MECOM: variants seen among roughly 807,000 people sequenced by gnomAD.
MECOM encodes the protein histone-lysine N-methyltransferase MECOM.
MECOM carries 13 observed loss-of-function variants against 116.3 expected under a neutral mutation model. That is an observed-to-expected ratio of 0.11 (90% CI 0.07 to 0.18). The LOEUF (loss-of-function observed/expected upper bound fraction) is 0.18. MECOM is among the 10% of genes least tolerant of loss of function. The pLI, the probability that MECOM is intolerant of heterozygous loss-of-function variation, is 1.00. For missense variants in MECOM, 1,299 were observed against 1,509.0 expected (o/e 0.86, Z 2.31); for synonymous variants, 528 against 535.2 (o/e 0.99, Z 0.19).
intron 1 of MECOM, among the ~76,000 whole-genome samples, chr3:169,459,245 G>C (rs981019934): frequency 1.3e-5 from 2 of 152,158 alleles, no homozygotes; most frequent in Non-Finnish European, 2.9e-5. Context: ...CTGGTGTTTT[G>C]TGCAGTGAGG....
chr3:169,496,731 A>G (rs1325002774), intron 1 of MECOM, among the ~76,000 whole-genome samples: 1 of 152,240 alleles, frequency 6.6e-6, no homozygotes, highest in Admixed American at 6.5e-5. Context: ...GTCTTAGTTC[A>G]TTCCCAAGAT....
At position 169,652,910 on chromosome 3, in the gene MECOM, A is replaced by G. The variant is rs368316045; in HGVS notation, c.37+10426T>C. On this transcript the variant is annotated intron_variant, in intron 1 of 16. Coordinates refer to ENST00000651503, the MANE Select transcript of MECOM (RefSeq NM_004991.4). ...GTAAACTGAATATTCCCAAATCCCT[A>G]GGAATTACATGAGTCCACAGAATGT... Among the ~76,000 whole-genome samples the G allele has an allele frequency of 3.5e-4, 54 of 152,316 alleles. 2 individuals carry two copies. In the South Asian group the frequency reaches 0.01, roughly 29 times the overall value.
At chr3:169,282,191 G>A (rs1712211774) in intron 2 of MECOM, among the ~76,000 whole-genome samples, 1 of 152,098 alleles carries the variant, frequency 6.6e-6, no homozygotes, top group African/African-American at 2.4e-5. Context: ...TAGAGTATAA[G>A]CCTATTTGTC....
intron 2 of MECOM, among the ~76,000 whole-genome samples, chr3:169,375,611 C>T (rs547700396): frequency 6.6e-6 from 1 of 152,196 alleles, no homozygotes; most frequent in South Asian, 2.1e-4. Flanking sequence ...CAAATACACC[C>T]TCCAAAGGCT....
chr3:169,625,739 C>T (rs532418947), intron 1 of MECOM, among the ~76,000 whole-genome samples: 7 of 152,314 alleles, frequency 4.6e-5, no homozygotes, highest in African/African-American at 1.7e-4. Context: ...AGGAAGGATA[C>T]ACTCAGGTGA....
At chr3:169,179,091 G>A (rs1473080212) in intron 2 of MECOM, among the ~76,000 whole-genome samples, 9 of 152,060 alleles carry the variant, frequency 5.9e-5, no homozygotes, top group African/African-American at 2.2e-4. Flanking sequence ...CACTTGAAAG[G>A]CAAAAAAATT....
At chr3:169,176,278 T>C (rs932114367) in intron 2 of MECOM, among the ~76,000 whole-genome samples, 2 of 152,084 alleles carry the variant, frequency 1.3e-5, no homozygotes, top group Non-Finnish European at 2.9e-5. Flanking sequence ...AGGGGAAGGA[T>C]CAGGGAAGTC....
intron 2 of MECOM, among the ~76,000 whole-genome samples, chr3:169,144,263 ATT>A (rs11312167): frequency 0.027 from 4,152 of 151,774 alleles, 101 homozygotes; most frequent in Non-Finnish European, 0.039. Flanking sequence ...TTCCATCTAA[ATT>A]TTTTTTTCAT....
At chr3:169,619,895 A>G (rs762607437) in intron 1 of MECOM, among the ~76,000 whole-genome samples, 92 of 152,346 alleles carry the variant, frequency 6.0e-4, no homozygotes, top group Non-Finnish European at 1.1e-3. Flanking sequence ...CAAGGGCCAA[A>G]ATGAAAAACA....
chr3:169,388,881 T>G (rs1412288772), intron 1 of MECOM, among the ~76,000 whole-genome samples: 1 of 152,200 alleles, frequency 6.6e-6, no homozygotes, highest in Non-Finnish European at 1.5e-5. Flanking sequence ...GTCTTCCTTA[T>G]GGAACTTTTC....
intron 2 of MECOM, among the ~76,000 whole-genome samples, chr3:169,186,202 T>C (rs929991481): frequency 6.6e-6 from 1 of 151,936 alleles, no homozygotes; most frequent in African/African-American, 2.4e-5. Context: ...TTATTTCCAA[T>C]ACCTAGCTTA....
At chr3:169,610,070 A>G (rs1769063677) in intron 1 of MECOM, among the ~76,000 whole-genome samples, 1 of 152,062 alleles carries the variant, frequency 6.6e-6, no homozygotes, top group African/African-American at 2.4e-5. Flanking sequence ...CTTTATTTGT[A>G]CTCTTATAAT....
At chr3:169,644,152 A>T (rs1163725956) in intron 1 of MECOM, among the ~76,000 whole-genome samples, 2 of 152,266 alleles carry the variant, frequency 1.3e-5, no homozygotes, top group Non-Finnish European at 1.5e-5. Context: ...GATTATCTCA[A>T]ATAGTTATGA....
chr3:169,382,448 GA>G (rs1560204382), intron 1 of MECOM, among the ~76,000 whole-genome samples: 1 of 152,084 alleles, frequency 6.6e-6, no homozygotes, highest in East Asian at 1.9e-4. Context: ...CGCCACACTT[GA>G]AGTAAACGAG....
At chr3:169,430,957 T>C (rs891681668) in intron 1 of MECOM, among the ~76,000 whole-genome samples, 7 of 152,220 alleles carry the variant, frequency 4.6e-5, no homozygotes, top group Non-Finnish European at 1.0e-4. Flanking sequence ...ATCCCCCAGC[T>C]GCAGTAGAAT....
intron 1 of MECOM, among the ~76,000 whole-genome samples, chr3:169,655,622 G>A (rs994898586): frequency 7.2e-5 from 11 of 152,132 alleles, no homozygotes; most frequent in African/African-American, 2.7e-4. Context: ...CAAATTTACT[G>A]CCTAGTTTGG....
intron 1 of MECOM, among the ~76,000 whole-genome samples, chr3:169,392,576 A>G (rs1016065174): frequency 3.3e-5 from 5 of 152,134 alleles, no homozygotes; most frequent in Admixed American, 6.6e-5. Flanking sequence ...GTTGAATAAG[A>G]TAAAATGTCT....
In MECOM at chr3:169,164,724, T is replaced by G. The variant is rs145067188; in HGVS notation, c.376-20892A>C. 3.0e-3 allele frequency among the ~76,000 whole-genome samples: 453 copies of G among 151,956 alleles called. 2 individuals carry two copies. The highest frequency in any genetic ancestry group is 0.014 in the Middle Eastern group (4 of 294). On this transcript the variant is annotated intron_variant, in intron 2 of 16. Coordinates refer to ENST00000651503, the MANE Select transcript of MECOM (RefSeq NM_004991.4). The stretch of plus-strand genomic sequence containing the variant: ...ATGTATGCTAATAAAAACAATTATA[T>G]TTGATTTTAACATTATGTCATTAAA...
chr3:169,457,349 G>T (rs1166665476), intron 1 of MECOM, among the ~76,000 whole-genome samples: 1 of 152,172 alleles, frequency 6.6e-6, no homozygotes, highest in Non-Finnish European at 1.5e-5. Context: ...GTTTGGTCGG[G>T]CTCTCTGTTC....
Sources: allele counts gnomAD v4.1 joint callset (sites outside exome capture counted in the v4.1 genomes callset), GRCh38; gene constraint gnomAD v4.1.1; transcripts MANE v1.5; gene names NCBI Gene and HGNC (gene_info 2026-07-23, HGNC 2026-07-21).